RTTN: variants seen among roughly 807,000 people sequenced by gnomAD.
RTTN encodes the protein rotatin.
In RTTN, 182 loss-of-function variants were observed where a neutral mutation model predicts 269.2. The observed-to-expected ratio is 0.68, with a 90% CI of 0.60 to 0.76. RTTN has a LOEUF of 0.76. RTTN is among the 30% of genes least tolerant of loss of function. The pLI is 0.00. For synonymous variants in RTTN, 1,006 were observed against 963.5 expected (o/e 1.04, Z -0.82); for missense variants, 2,545 against 2,608.6 (o/e 0.98, Z 0.53).
intron 24 of RTTN, 190 bp from the exon 25 acceptor site, chr18:70,127,931 T>C: frequency 6.9e-6 from 4 of 581,142 alleles, no homozygotes; most frequent in Non-Finnish European, 1.2e-5. Flanking sequence ...GCATCCCAAA[T>C]GTTTATATTG....
At position 70,044,812 on chromosome 18, in the gene RTTN, C is replaced by T. The variant is rs115309691; in HGVS notation, c.5541+3159G>A. 2.9e-3 allele frequency among the ~76,000 whole-genome samples: 442 copies of T among 152,232 alleles called. 4 individuals carry two copies. The highest frequency in any genetic ancestry group is 0.01 in the Middle Eastern group (3 of 294). ...AGCTAGACATAGCATGATTCACGTC[C>T]TGAGGGGAGACAGAGCATATTTCAT... On this transcript the variant is annotated intron_variant, in intron 40 of 48. Transcript: ENST00000640769.
chr18:70,038,176 C>G (rs902346983), intron 40 of RTTN, among the ~76,000 whole-genome samples: 1 of 152,162 alleles, frequency 6.6e-6, no homozygotes, highest in African/African-American at 2.4e-5. Flanking sequence ...TGCTCAGGGT[C>G]TGGGGGAACT....
Position 70,065,922 on chromosome 18 carries a change from C to A in RTTN, c.4654G>T (p.Val1552Leu), listed in dbSNP as rs2058120357. 2 of 1,574,456 alleles carry A rather than the reference C, an allele frequency of 1.3e-6. No homozygotes were observed. Among genetic ancestry groups the A allele is most frequent in the East Asian group, 2.3e-5 (1 of 44,198 alleles). ...TCAGTACTCCCCAATGAAGGTGCCA[C>A]CTATGAATCAGTAAATTATTTTACT... The part of the protein sequence containing the change: ...PSSLSTSETT[V>L]APSLGSTEFQ... The change falls in exon 35 of 49, where the codon GTG (valine) becomes TTG (leucine). Residue 1552 changes from valine to leucine, a missense_variant and splice_region_variant. Val to Leu is a conservative substitution (Grantham distance 32). Coordinates refer to ENST00000640769, the MANE Select transcript of RTTN (RefSeq NM_173630.4).
chr18:70,195,617 G>A (rs1308759494), intron 7 of RTTN, among the ~76,000 whole-genome samples: 3 of 152,212 alleles, frequency 2.0e-5, no homozygotes, highest in African/African-American at 7.2e-5. Context: ...ATAAGGGCTT[G>A]GATCTTATTC....
At chr18:70,199,895 T>TA (rs2061906509) in intron 4 of RTTN, among the ~76,000 whole-genome samples, 1 of 152,204 alleles carries the variant, frequency 6.6e-6, no homozygotes, top group Non-Finnish European at 1.5e-5. Flanking sequence ...TTAAAAATGA[T>TA]AAAACATAAT....
intron 9 of RTTN, among the ~76,000 whole-genome samples, 167 bp from the exon 10 acceptor site, chr18:70,188,390 AAGGC>A (rs2061595797): frequency 6.6e-6 from 1 of 152,228 alleles, no homozygotes; most frequent in Non-Finnish European, 1.5e-5. Flanking sequence ...AATCACACTG[AAGGC>A]TTCTGTTCCA....
intron 23 of RTTN, chr18:70,131,863 T>C (rs1489902297): frequency 6.6e-6 from 1 of 151,742 alleles, no homozygotes; most frequent in Admixed American, 6.6e-5. Flanking sequence ...GTAATTATAG[T>C]AAATGTAAAA....
chr18:70,194,461 A>G (rs1251308711), intron 7 of RTTN: 1 of 152,246 alleles, frequency 6.6e-6, no homozygotes, highest in Non-Finnish European at 1.5e-5. Flanking sequence ...ACTGGGTATT[A>G]CCCAAAAGAA....
chr18:70,069,961 G>A lies in RTTN; in HGVS notation c.4653+3945C>T, dbSNP rs1357297394. ...TCTCTATATGCCCAGGAGCAGGAAA[G>A]CTTTGGCATGCTTCTCAATTTGTAA... is the stretch of plus-strand genomic sequence containing the variant. On this transcript the variant is annotated intron_variant, in intron 34 of 48. Coordinates refer to ENST00000640769, the MANE Select transcript of RTTN (RefSeq NM_173630.4). Among the ~76,000 whole-genome samples, 4 of 152,260 alleles carry A rather than the reference G, an allele frequency of 2.6e-5. No homozygotes were observed. In the East Asian group the frequency reaches 7.7e-4, roughly 29 times the overall value.
At chr18:70,066,627 A>G (rs2058143159) in intron 34 of RTTN, among the ~76,000 whole-genome samples, 2 of 152,192 alleles carry the variant, frequency 1.3e-5, no homozygotes, top group Non-Finnish European at 2.9e-5. Flanking sequence ...CCTTACCATC[A>G]ATTTCTCTTC....
intron 31 of RTTN, among the ~76,000 whole-genome samples, 156 bp downstream of exon 31, chr18:70,087,833 C>A (rs2058741023): frequency 6.6e-6 from 1 of 152,054 alleles, no homozygotes; most frequent in South Asian, 2.1e-4. Flanking sequence ...GCATGAATAC[C>A]TTTTAAATCC....
At chr18:70,152,435 T>C (rs1379157537) in intron 14 of RTTN, among the ~76,000 whole-genome samples, 4 of 152,182 alleles carry the variant, frequency 2.6e-5, no homozygotes, top group Admixed American at 2.6e-4. Flanking sequence ...TGAGATAATA[T>C]ACTTATAAAA....
chr18:70,147,951 A>C (rs9963733), intron 17 of RTTN, among the ~76,000 whole-genome samples: 1 of 152,060 alleles, frequency 6.6e-6, no homozygotes, highest in African/African-American at 2.4e-5. Flanking sequence ...GAACACAAGC[A>C]CGTTAACTCC....
At chr18:70,017,048 T>G (rs987898468) in intron 46 of RTTN, among the ~76,000 whole-genome samples, 3 of 152,054 alleles carry the variant, frequency 2.0e-5, no homozygotes, top group African/African-American at 7.2e-5. Context: ...CCGAGAGGCT[T>G]CATTGACATA....
intron 10 of RTTN, among the ~76,000 whole-genome samples, chr18:70,183,918 C>A (rs948952321): frequency 6.6e-6 from 1 of 152,172 alleles, no homozygotes; most frequent in African/African-American, 2.4e-5. Context: ...TAGGTATGCA[C>A]CTACATGCCC....
intron 10 of RTTN, among the ~76,000 whole-genome samples, chr18:70,187,129 A>G (rs926781098): frequency 2.0e-5 from 3 of 152,218 alleles, no homozygotes; most frequent in Admixed American, 1.3e-4. Flanking sequence ...TATATTAACA[A>G]TAATATCCAT....
intron 22 of RTTN, among the ~76,000 whole-genome samples, chr18:70,134,892 G>C (rs531534854): frequency 1.3e-5 from 2 of 151,754 alleles, no homozygotes; most frequent in Admixed American, 1.3e-4. Flanking sequence ...GAAATATTAA[G>C]AAAAAAACAC....
chr18:70,060,097 A>T, intron 35 of RTTN, 55 bp from the exon 36 acceptor site: 1 of 1,343,276 alleles, frequency 7.4e-7, no homozygotes, highest in Non-Finnish European at 1.0e-6. Context: ...TATGTACAAT[A>T]CTCAAAAGTT....
intron 28 of RTTN, among the ~76,000 whole-genome samples, chr18:70,107,675 A>C (rs1230522575): frequency 1.3e-5 from 2 of 152,236 alleles, no homozygotes; most frequent in Non-Finnish European, 2.9e-5. Flanking sequence ...AAGTAGAAGG[A>C]GATAATAAAT....
Sources: gnomAD v4.1 joint callset for allele counts (sites outside exome capture counted in the v4.1 genomes callset) on GRCh38, gnomAD v4.1.1 for gene constraint, MANE v1.5 for transcripts, NCBI Gene and HGNC (gene_info 2026-07-23, HGNC 2026-07-21) for gene names.